Variants in CDH4 observed in about 807,000 individuals in gnomAD.
CDH4 encodes cadherin-4.
In CDH4, 33 loss-of-function variants were observed where a neutral mutation model predicts 86.0. The ratio of observed to expected loss-of-function variants is 0.38; its 90% CI spans 0.29 to 0.51. The LOEUF (loss-of-function observed/expected upper bound fraction) is 0.51, where lower values mean the gene tolerates loss of function less well. Among genes scored for constraint, CDH4 ranks in the 20% least tolerant of loss-of-function variants. The pLI is 0.86. For missense variants in CDH4, 1,114 were observed against 1,307.4 expected (o/e 0.85, Z 2.28); for synonymous variants, 555 against 549.4 (o/e 1.01, Z -0.14).
intron 2 of CDH4, among the ~76,000 whole-genome samples, chr20:61,704,542 T>G (rs1306239413): frequency 1.3e-5 from 2 of 152,040 alleles, no homozygotes; most frequent in Non-Finnish European, 2.9e-5. Flanking sequence ...CCAGGTTGCT[T>G]GGCAGGGGTG....
intron 2 of CDH4, chr20:61,599,874 A>G (rs1312902472): frequency 1.0e-6 from 1 of 985,536 alleles, no homozygotes; most frequent in Non-Finnish European, 1.2e-6. Context: ...CACAGGAGCA[A>G]TCTTCTCAGC....
At chr20:61,493,006 A>AGGCTGGTCAACCT (rs2085636845) in intron 2 of CDH4, among the ~76,000 whole-genome samples, 1 of 152,228 alleles carries the variant, frequency 6.6e-6, no homozygotes, top group African/African-American at 2.4e-5. Flanking sequence ...ATGGTCAACC[A>AGGCTGGTCAACCT]GGGCTTGGGA....
chr20:61,347,140 A>G (rs2084684030), intron 2 of CDH4, among the ~76,000 whole-genome samples: 3 of 152,200 alleles, frequency 2.0e-5, no homozygotes, highest in Non-Finnish European at 4.4e-5. Flanking sequence ...TGACTCATGG[A>G]CTGCGGTTCT....
intron 2 of CDH4, among the ~76,000 whole-genome samples, chr20:61,280,608 G>A (rs556191731): frequency 9.8e-5 from 15 of 152,362 alleles, no homozygotes; most frequent in African/African-American, 3.4e-4. Flanking sequence ...TAAGCACAAG[G>A]CTGGGGTAGT....
At chr20:61,722,922 C>T (rs2088059390) in intron 2 of CDH4, among the ~76,000 whole-genome samples, 1 of 152,152 alleles carries the variant, frequency 6.6e-6, no homozygotes, top group African/African-American at 2.4e-5. Context: ...TGAGAGTATC[C>T]GCTGATTCTT....
chr20:61,920,782 C>T (rs565191404), intron 9 of CDH4, among the ~76,000 whole-genome samples: 4 of 135,208 alleles, frequency 3.0e-5, no homozygotes, highest in Non-Finnish European at 6.1e-5. Flanking sequence ...TGCATGGAAG[C>T]GTGGTATCAT....
chr20:61,684,025 A>G lies in CDH4; in HGVS notation c.170-59538A>G, dbSNP rs983519778. Among the ~76,000 whole-genome samples, 17 of 152,192 alleles carry G rather than the reference A, an allele frequency of 1.1e-4. No individual in the cohort carries two copies. Among genetic ancestry groups the G allele is most frequent in the African/African-American group, 4.1e-4 (17 of 41,448 alleles). ...TCGTGTCTGGGGAGGTGGGCGTGGCAGGGACTACAGCCAGAGCTGGGTCTG... is the reference window on the plus strand; with the variant it reads ...TCGTGTCTGGGGAGGTGGGCGTGGCGGGGACTACAGCCAGAGCTGGGTCTG... On this transcript the variant is annotated intron_variant, in intron 2 of 15. Transcript: ENST00000614565. The surrounding 1 kb of genome is among the most constrained non-coding windows in gnomAD (Gnocchi z 4.5).
At chr20:61,792,111 TGTG>T in intron 4 of CDH4, among the ~76,000 whole-genome samples, 1 of 151,144 alleles carries the variant, frequency 6.6e-6, no homozygotes, top group South Asian at 2.1e-4. Flanking sequence ...TGAGGAGAGA[TGTG>T]GGGGCCTGGG....
At chr20:61,299,950 A>G (rs2084377288) in intron 2 of CDH4, among the ~76,000 whole-genome samples, 1 of 152,126 alleles carries the variant, frequency 6.6e-6, no homozygotes, top group Non-Finnish European at 1.5e-5. Context: ...GTCCATTTGT[A>G]ATGATGTGTA....
chr20:61,734,477 A>T (rs1459091970), intron 2 of CDH4, among the ~76,000 whole-genome samples: 1 of 152,254 alleles, frequency 6.6e-6, no homozygotes, highest in Non-Finnish European at 1.5e-5. Flanking sequence ...CATGCTTTGC[A>T]TTGGGGCATC....
chr20:61,666,696 C>T (rs552862356), intron 2 of CDH4, among the ~76,000 whole-genome samples: 64 of 152,332 alleles, frequency 4.2e-4, no homozygotes, highest in Middle Eastern at 6.8e-3. Context: ...CCCTGAGAAC[C>T]CCCTCCGCCC....
At chr20:61,415,823 C>T (rs1375562041) in intron 2 of CDH4, among the ~76,000 whole-genome samples, 1 of 152,008 alleles carries the variant, frequency 6.6e-6, no homozygotes. Flanking sequence ...TCTTAGCCTC[C>T]CGAGTAGCTG....
intron 2 of CDH4, among the ~76,000 whole-genome samples, chr20:61,551,376 ATCACTGGTGTACTGC>A (rs1207650711): frequency 6.6e-6 from 1 of 152,208 alleles, no homozygotes; most frequent in African/African-American, 2.4e-5. Flanking sequence ...AATTTCACAA[ATCACTGGTGTACTGC>A]TCACTGGATT....
At chr20:61,573,989 T>C (rs1378118876) in intron 2 of CDH4, among the ~76,000 whole-genome samples, 1 of 152,116 alleles carries the variant, frequency 6.6e-6, no homozygotes, top group African/African-American at 2.4e-5. Flanking sequence ...ATCCAGCTGA[T>C]GATCTGAGTG....
At chr20:61,398,344 A>G (rs969128451) in intron 2 of CDH4, among the ~76,000 whole-genome samples, 2 of 152,214 alleles carry the variant, frequency 1.3e-5, no homozygotes, top group African/African-American at 2.4e-5. Context: ...TTTTGCGTCT[A>G]TCACCTCTAA....
At chr20:61,788,530 C>T (rs180948087) in intron 4 of CDH4, among the ~76,000 whole-genome samples, 1 of 152,318 alleles carries the variant, frequency 6.6e-6, no homozygotes, top group Admixed American at 6.5e-5. Flanking sequence ...CAAGTGCTGA[C>T]AGCAGGTGTT....
chr20:61,773,230 T>A, intron 4 of CDH4, 48 bp downstream of exon 4: 1 of 1,464,810 alleles, frequency 6.8e-7, no homozygotes. Flanking sequence ...GCGTTAGCAG[T>A]AGGCTCTTCT....
intron 2 of CDH4, among the ~76,000 whole-genome samples, chr20:61,364,326 C>T (rs936607944): frequency 6.6e-6 from 1 of 152,110 alleles, no homozygotes; most frequent in African/African-American, 2.4e-5. Flanking sequence ...CTTAGATCAA[C>T]TTGCCCTGGT....
chr20:61,651,560 C>T (rs1236072409), intron 2 of CDH4, among the ~76,000 whole-genome samples: 3 of 152,202 alleles, frequency 2.0e-5, no homozygotes, highest in Non-Finnish European at 2.9e-5. Context: ...GGGTTGGACT[C>T]ACACCTGCAC....
Sources: gnomAD v4.1 joint callset for allele counts (sites outside exome capture counted in the v4.1 genomes callset) on GRCh38, gnomAD v4.1.1 for gene constraint, Gnocchi (gnomAD v3.1) non-coding constraint, MANE v1.5 for transcripts, NCBI Gene and HGNC (gene_info 2026-07-23, HGNC 2026-07-21) for gene names.